ZBTB7C: variants seen among roughly 807,000 people sequenced by gnomAD.
ZBTB7C encodes the protein zinc finger and BTB domain containing 7C.
ZBTB7C carries 8 observed loss-of-function variants against 25.7 expected under a neutral mutation model. That is an observed-to-expected ratio of 0.31 (90% CI 0.18 to 0.56). The LOEUF (loss-of-function observed/expected upper bound fraction) is 0.56. ZBTB7C is among the 20% of genes least tolerant of loss of function. The pLI is 0.91. For synonymous variants in ZBTB7C, 394 were observed against 369.0 expected (o/e 1.07, Z -0.78); for missense variants, 824 against 855.2 (o/e 0.96, Z 0.46).
At chr18:48,351,897 T>A (rs1390699976) in intron 1 of ZBTB7C, among the ~76,000 whole-genome samples, 1 of 152,148 alleles carries the variant, frequency 6.6e-6, no homozygotes, top group Non-Finnish European at 1.5e-5. Context: ...TGGAGGGGGC[T>A]GGAGCAGACA....
chr18:48,110,426 G>A (rs2039197742), intron 3 of ZBTB7C, among the ~76,000 whole-genome samples: 1 of 152,190 alleles, frequency 6.6e-6, no homozygotes, highest in Non-Finnish European at 1.5e-5. Context: ...GATCTTTAGG[G>A]AGCTAATTAC....
intron 3 of ZBTB7C, among the ~76,000 whole-genome samples, chr18:48,092,564 A>G (rs2038459954): frequency 6.6e-6 from 1 of 152,220 alleles, no homozygotes; most frequent in African/African-American, 2.4e-5. Context: ...GGAAACCTAG[A>G]AGGATTTTGC....
intron 1 of ZBTB7C, among the ~76,000 whole-genome samples, chr18:48,348,771 C>T (rs778021856): frequency 2.0e-5 from 3 of 152,208 alleles, no homozygotes; most frequent in Non-Finnish European, 4.4e-5. Flanking sequence ...GAGCTGAGAT[C>T]GTGCCACTGC....
chr18:48,136,964 C>G, intron 3 of ZBTB7C: 1 of 984,838 alleles, frequency 1.0e-6, no homozygotes, highest in Non-Finnish European at 1.2e-6. Context: ...CCCCAGAGCC[C>G]CGATCCTAGC....
chr18:48,335,648 A>G (rs2046442394), intron 2 of ZBTB7C, among the ~76,000 whole-genome samples: 1 of 152,240 alleles, frequency 6.6e-6, no homozygotes, highest in African/African-American at 2.4e-5. Context: ...AAGATATTCT[A>G]GAGTCTAGAT....
chr18:48,233,561 C>T (rs1437875786), intron 2 of ZBTB7C, among the ~76,000 whole-genome samples: 1 of 152,252 alleles, frequency 6.6e-6, no homozygotes, highest in Non-Finnish European at 1.5e-5. Flanking sequence ...TGCCCCTGTT[C>T]TAGCTGACTG....
chr18:48,336,640 T>G (rs779872850), intron 2 of ZBTB7C, among the ~76,000 whole-genome samples: 2 of 152,188 alleles, frequency 1.3e-5, no homozygotes, highest in Non-Finnish European at 2.9e-5. Flanking sequence ...AGAAGAGCGC[T>G]TGACAGACCC....
chr18:48,398,305 G>A (rs1398146050), intron 1 of ZBTB7C, among the ~76,000 whole-genome samples: 4 of 152,210 alleles, frequency 2.6e-5, no homozygotes, highest in African/African-American at 9.7e-5. Flanking sequence ...CGAAGGGATT[G>A]GCCTGAGAGA....
At chr18:48,150,587 A>G (rs562601870) in intron 3 of ZBTB7C, 1 of 152,130 alleles carries the variant, frequency 6.6e-6, no homozygotes, top group South Asian at 2.1e-4. Context: ...ATCTCAAAAA[A>G]AAAAAAAAAA....
chr18:48,101,812 C>G (rs1418787072), intron 3 of ZBTB7C, among the ~76,000 whole-genome samples: 1 of 152,112 alleles, frequency 6.6e-6, no homozygotes, highest in Non-Finnish European at 1.5e-5. Context: ...TTCAGTGTGC[C>G]CTACATGACT....
chr18:48,076,167 G>A (rs943962589), intron 3 of ZBTB7C, among the ~76,000 whole-genome samples: 6 of 152,204 alleles, frequency 3.9e-5, no homozygotes, highest in African/African-American at 1.4e-4. Context: ...CCCACTAAAT[G>A]AGCCGCTTCT....
At chr18:48,329,585 T>C (rs1345365767) in intron 2 of ZBTB7C, among the ~76,000 whole-genome samples, 1 of 152,236 alleles carries the variant, frequency 6.6e-6, no homozygotes, top group Non-Finnish European at 1.5e-5. Flanking sequence ...AACACATTTT[T>C]CCACCCTGAG....
At chr18:48,044,138 T>A (rs1190804448) in intron 3 of ZBTB7C, among the ~76,000 whole-genome samples, 1 of 152,174 alleles carries the variant, frequency 6.6e-6, no homozygotes, top group African/African-American at 2.4e-5. Flanking sequence ...ATGGTTCTTG[T>A]CTATTGACAA....
intron 1 of ZBTB7C, among the ~76,000 whole-genome samples, chr18:48,350,013 G>A (rs1390008039): frequency 6.6e-6 from 1 of 152,218 alleles, no homozygotes; most frequent in Admixed American, 6.5e-5. Context: ...TGAAATGAGT[G>A]CGTTTCCTCA....
At chr18:48,406,115 AG>A (rs2048275438) in intron 1 of ZBTB7C, among the ~76,000 whole-genome samples, 1 of 152,090 alleles carries the variant, frequency 6.6e-6, no homozygotes, top group African/African-American at 2.4e-5. Flanking sequence ...GGACTCCTTC[AG>A]CCCTACACAG....
intron 2 of ZBTB7C, among the ~76,000 whole-genome samples, chr18:48,250,116 A>C (rs1226649403): frequency 6.6e-6 from 1 of 152,134 alleles, no homozygotes; most frequent in Non-Finnish European, 1.5e-5. Flanking sequence ...CACAAGCCCA[A>C]ATGGATTTCC....
chr18:48,162,432 C>CT (rs766194481), intron 3 of ZBTB7C: 10 of 456,066 alleles, frequency 2.2e-5, no homozygotes, highest in South Asian at 1.5e-4. Context: ...ATTCACCTCA[C>CT]TGAGTGCTGC....
At chr18:48,239,197 C>T (rs1233671704) in intron 2 of ZBTB7C, among the ~76,000 whole-genome samples, 2 of 152,180 alleles carry the variant, frequency 1.3e-5, no homozygotes, top group Non-Finnish European at 2.9e-5. Flanking sequence ...CTCAGAAACA[C>T]CTAATTCCTC....
At chr18:48,387,055 T>A (rs896586249) in intron 1 of ZBTB7C, among the ~76,000 whole-genome samples, 47 of 152,118 alleles carry the variant, frequency 3.1e-4, no homozygotes, top group African/African-American at 1.1e-3. Flanking sequence ...TGAGTTGGAT[T>A]TTAATAGAAG....
Sources: allele counts gnomAD v4.1 joint callset (sites outside exome capture counted in the v4.1 genomes callset), GRCh38; gene constraint gnomAD v4.1.1; transcripts MANE v1.5; gene names NCBI Gene and HGNC (gene_info 2026-07-23, HGNC 2026-07-21).